Variants in CHD5 observed in about 807,000 individuals in gnomAD.
The protein encoded by CHD5 is ATP-dependent chromatin remodeler CHD5.
Under a neutral mutation model 230.3 loss-of-function variants are expected in CHD5, and 69 were observed. The observed-to-expected ratio is 0.30, with a 90% CI of 0.25 to 0.37. The LOEUF (loss-of-function observed/expected upper bound fraction) is 0.37. CHD5 is among the 10% of genes least tolerant of loss of function. The pLI is 1.00. For missense variants in CHD5, 1,827 were observed against 2,622.8 expected, an observed-to-expected ratio of 0.70 and a Z score of 6.63; for synonymous variants, 1,064 against 1,065.9, an observed-to-expected ratio of 1.00 and a Z score of 0.03.
chr1:6,118,943 C>T (rs945453324), intron 33 of CHD5, among the ~76,000 whole-genome samples: 10 of 151,726 alleles, frequency 6.6e-5, no homozygotes, highest in Non-Finnish European at 1.3e-4. Context: ...GGTGATCCAC[C>T]CACCTCAGCC....
chr1:6,147,619 G>C (rs1666931673), intron 9 of CHD5, among the ~76,000 whole-genome samples: 1 of 152,208 alleles, frequency 6.6e-6, no homozygotes, highest in Non-Finnish European at 1.5e-5. Context: ...CTGATTCAGG[G>C]AGACAGCTCT....
Position 6,124,034 on chromosome 1 carries a change from T to G in CHD5, c.4613A>C (p.Lys1538Thr). ...DLIPEGPEGK[K>T]SGEVISSDPN... ...GTCCGAGGAGATCACCTCGCCCGAC[T>G]TCTTCCCCTCGGGCCCCTCAGGGAT... is the stretch of plus-strand genomic sequence containing the variant. Residue 1538 changes from lysine (K) to threonine (T), a missense_variant, in exon 31 of 42, where the codon AAG (lysine) becomes ACG (threonine). Coordinates refer to ENST00000262450, the MANE Select transcript of CHD5 (RefSeq NM_015557.3). 1 of 1,613,226 alleles carries G rather than the reference T, an allele frequency of 6.2e-7. No individual in the cohort carries two copies. The highest frequency in any genetic ancestry group is 1.1e-5 in the South Asian group (1 of 90,998).
chr1:6,126,696 G>A lies in CHD5; in HGVS notation c.3954C>T (p.Asp1318=). 6.2e-7 allele frequency: 1 copy of A among 1,614,058 alleles called. No individual in the cohort carries two copies. Among genetic ancestry groups the A allele is most frequent in the South Asian group, 1.1e-5 (1 of 91,074 alleles). The change falls in exon 26 of 42, where the codon GAC becomes GAT. Residue 1318 remains aspartate (D), a synonymous_variant. Coordinates refer to ENST00000262450, the MANE Select transcript of CHD5 (RefSeq NM_015557.3). The surrounding 1 kb of genome is among the most constrained non-coding windows in gnomAD (Gnocchi z 5.7). ...GGTGCCGCAGCAGCTTCTCCCAGTA[G>A]TCGGGGTCCACGTTCTCCTCCTGCT... ...IIKQEENVDP[D]YWEKLLRHHY... is the part of the protein sequence containing the mutation.
chr1:6,125,279 T>TGGGGG lies in CHD5; in HGVS notation c.4261-51_4261-47dup. 2.0e-6 allele frequency: 2 copies of TGGGGG among 1,001,998 alleles called. No homozygotes were observed. Among genetic ancestry groups the TGGGGG allele is most frequent in the Non-Finnish European group, 2.6e-6 (2 of 780,278 alleles). 62.1% of individuals were successfully genotyped at this position (1,001,998 alleles called of 1,614,324 possible). Reference sequence around the variant, plus strand: ...AGTATGAGCCCAGGACAGAGAGGGGTGGGGGTGGAGGATTCTGGGATGGGG... The same window carrying TGGGGG: ...AGTATGAGCCCAGGACAGAGAGGGGTGGGGGGGGGGTGGAGGATTCTGGGATGGGG... On this transcript the variant is annotated intron_variant, in intron 28 of 41. Transcript: ENST00000262450. This position sits in a 1 kb window ranked among gnomAD's most constrained non-coding sequence, Gnocchi z 6.7.
Position 6,128,973 on chromosome 1 carries a change from C to A in CHD5, c.3484G>T (p.Ala1162Ser). 6.2e-7 allele frequency: 1 copy of A among 1,612,678 alleles called. No homozygotes were observed. Reference protein sequence around the residue: ...ASVEERITQVAKRKMMLTHLV... With the variant: ...ASVEERITQVSKRKMMLTHLV... ...TGGGTGAGCATCATCTTGCGCTTGGCCACCTGCGTGATGCGCTCCTCCACC... is the reference window on the plus strand; with the variant it reads ...TGGGTGAGCATCATCTTGCGCTTGGACACCTGCGTGATGCGCTCCTCCACC... The change falls in exon 23 of 42, where the codon GCC becomes TCC. Residue 1162 changes from alanine to serine, a missense_variant. Physicochemically the swap from Ala to Ser is moderately conservative, Grantham distance 99. Transcript: ENST00000262450. This position sits in a 1 kb window ranked among gnomAD's most constrained non-coding sequence, Gnocchi z 7.8.
rs765209995 is a variant in CHD5, at chr1:6,149,287, G to C, written c.1120C>G (p.Leu374Val). ...CACTTGCCCTCGGGAGCCTTCTCCAGCTCTGGGTCCAGGCATACGAGATGG... is the reference window on the plus strand; with the variant it reads ...CACTTGCCCTCGGGAGCCTTCTCCACCTCTGGGTCCAGGCATACGAGATGG... ...AYHLVCLDPE[L>V]EKAPEGKWSC... The change falls in exon 8 of 42, where the codon CTG becomes GTG. Residue 374 changes from leucine (L) to valine (V), a missense_variant. Transcript: ENST00000262450. 3.1e-6 allele frequency: 5 copies of C among 1,602,718 alleles called. No homozygotes were observed. The highest frequency in any genetic ancestry group is 4.3e-6 in the Non-Finnish European group (5 of 1,174,442).
chr1:6,170,081 G>A (rs963464226), intron 1 of CHD5, among the ~76,000 whole-genome samples: 15 of 152,082 alleles, frequency 9.9e-5, no homozygotes, highest in East Asian at 1.9e-4. Flanking sequence ...CCCTTCCCCC[G>A]AGGAAGTTTT....
intron 9 of CHD5, among the ~76,000 whole-genome samples, chr1:6,148,327 C>A (rs1666943333): frequency 6.6e-6 from 1 of 151,742 alleles, no homozygotes; most frequent in South Asian, 2.1e-4. Context: ...GAGCCTCCTG[C>A]CCTAGAAGCC....
At chr1:6,106,360 C>T (rs1455839304) in intron 40 of CHD5, 35 bp downstream of exon 40, 40 of 1,610,752 alleles carry the variant, frequency 2.5e-5, no homozygotes, top group Non-Finnish European at 3.2e-5. Flanking sequence ...GGCGGGCACC[C>T]GTGTGCATGC....
At chr1:6,160,890 G>A (rs971469531) in intron 2 of CHD5, among the ~76,000 whole-genome samples, 3 of 152,300 alleles carry the variant, frequency 2.0e-5, no homozygotes, top group East Asian at 1.9e-4. Flanking sequence ...TTTACTTGTG[G>A]CCTTTAGAGA....
At position 6,124,627 on chromosome 1, in the gene CHD5, C is replaced by A; in HGVS notation, c.4429G>T (p.Glu1477Ter). The A allele has an allele frequency of 6.3e-7, 1 of 1,579,400 alleles. No homozygotes were observed. The highest frequency in any genetic ancestry group is 2.3e-5 in the East Asian group (1 of 43,590). Residue 1477 changes from glutamate to a stop codon, truncating the protein, a stop_gained, in exon 30 of 42, where the codon GAG becomes TAG. Coordinates refer to ENST00000262450, the MANE Select transcript of CHD5 (RefSeq NM_015557.3). LOFTEE classifies it high-confidence loss of function. ...GTCTCTGCACCATCCGCCCCCGGCT[C>A]ACACAGGTGCCGCATGAAGAGGGAC... ...YVSLFMRHLC[E>*]PGADGAETFA...
rs1259072606 is a variant in CHD5, at chr1:6,105,911, GTC to G, written c.*46+321_*46+322del. Among the ~76,000 whole-genome samples the G allele has an allele frequency of 6.6e-6, 1 of 152,098 alleles. No homozygotes were observed. Among genetic ancestry groups the G allele is most frequent in the African/African-American group, 2.4e-5 (1 of 41,414 alleles). ...GACAGGGCTCCAGGCGGGGGCAGCA[GTC>G]TCTGACTTCCGCTGGGAACATGTGT... On this transcript the variant is annotated intron_variant, in intron 41 of 41. Transcript: ENST00000262450. This position sits in a 1 kb window ranked among gnomAD's most constrained non-coding sequence, Gnocchi z 4.8.
chr1:6,177,438 A>G (rs1436633336), intron 1 of CHD5, among the ~76,000 whole-genome samples: 1 of 152,230 alleles, frequency 6.6e-6, no homozygotes, highest in East Asian at 1.9e-4. Flanking sequence ...GGTGCTGGGC[A>G]TGGCAGGTTA....
At chr1:6,149,769 TGATGGATG>T (rs547823553) in intron 7 of CHD5, among the ~76,000 whole-genome samples, 42 of 145,544 alleles carry the variant, frequency 2.9e-4, no homozygotes, top group Non-Finnish European at 4.8e-4. Flanking sequence ...ATGGGTGGAC[TGATGGATG>T]GATGGATGGA....
chr1:6,136,678 C>T (rs763144518), intron 16 of CHD5, 40 bp from the exon 17 acceptor site: 4 of 1,611,788 alleles, frequency 2.5e-6, no homozygotes, highest in South Asian at 1.1e-5. Context: ...GGGCTCTGGG[C>T]GGCCCCTCGC....
At chr1:6,153,999 C>T (rs945203097) in intron 5 of CHD5, among the ~76,000 whole-genome samples, 42 of 152,252 alleles carry the variant, frequency 2.8e-4, no homozygotes, top group African/African-American at 8.7e-4. Flanking sequence ...CTGCTGCCTG[C>T]ATCCTCCCCA....
intron 1 of CHD5, among the ~76,000 whole-genome samples, chr1:6,174,482 G>A (rs1482574501): frequency 6.6e-6 from 1 of 151,088 alleles, no homozygotes; most frequent in Non-Finnish European, 1.5e-5. Flanking sequence ...TAGATGGTGG[G>A]TAGATGGATG....
intron 5 of CHD5, among the ~76,000 whole-genome samples, chr1:6,153,007 G>C (rs1005128144): frequency 6.6e-6 from 1 of 152,238 alleles, no homozygotes; most frequent in Non-Finnish European, 1.5e-5. Flanking sequence ...ACCTCTGCCA[G>C]TCAACCCCAG....
In CHD5 at chr1:6,142,734, T is replaced by G; in HGVS notation, c.2044-129A>C. 1 of 1,034,248 alleles carries G rather than the reference T, an allele frequency of 9.7e-7. No homozygotes were observed. The highest frequency in any genetic ancestry group is 1.4e-6 in the Non-Finnish European group (1 of 734,086). 64.1% of individuals were successfully genotyped at this position (1,034,248 alleles called of 1,614,324 possible). On this transcript the variant is annotated intron_variant, in intron 13 of 41. Coordinates refer to ENST00000262450, the MANE Select transcript of CHD5 (RefSeq NM_015557.3). This position sits in a 1 kb window ranked among gnomAD's most constrained non-coding sequence, Gnocchi z 5.2. ...CCACTCCTGTCTGTCTTCCTAACTC[T>G]TCTCCAGTTCTTGGATGGAACACCT...
Sources: gnomAD v4.1 joint callset for allele counts (sites outside exome capture counted in the v4.1 genomes callset) on GRCh38, gnomAD v4.1.1 for gene constraint, Gnocchi (gnomAD v3.1) non-coding constraint, MANE v1.5 for transcripts, NCBI Gene and HGNC (gene_info 2026-07-23, HGNC 2026-07-21) for gene names.